Variants in SORCS3 observed in about 807,000 individuals in gnomAD.
SORCS3 encodes the protein VPS10 domain-containing receptor SorCS3.
SORCS3 carries 57 observed loss-of-function variants against 146.3 expected under a neutral mutation model. The ratio of observed to expected loss-of-function variants is 0.39; its 90% CI spans 0.31 to 0.49. The LOEUF (loss-of-function observed/expected upper bound fraction) is 0.49, where lower values mean the gene tolerates loss of function less well. Ranked by LOEUF, SORCS3 falls within the 20% of genes least tolerant of loss-of-function variation. The probability of loss-of-function intolerance (pLI) is 0.92; values close to 1 mark genes in which losing one functional copy is unlikely to be tolerated. For synonymous variants in SORCS3, 653 were observed against 618.5 expected (o/e 1.06, Z -0.83); for missense variants, 1,341 against 1,575.5 (o/e 0.85, Z 2.52).
At chr10:104,718,336 C>T (rs2016503598) in intron 1 of SORCS3, among the ~76,000 whole-genome samples, 1 of 152,016 alleles carries the variant, frequency 6.6e-6, no homozygotes, top group East Asian at 1.9e-4. Flanking sequence ...GCGAAACTTG[C>T]CTTTATAACA....
At chr10:105,045,822 G>C (rs1040764502) in intron 5 of SORCS3, among the ~76,000 whole-genome samples, 3 of 152,068 alleles carry the variant, frequency 2.0e-5, no homozygotes, top group African/African-American at 4.8e-5. Flanking sequence ...CTTCTCCATT[G>C]ATTTAAGTAC....
At chr10:104,816,228 T>A (rs75893277) in intron 1 of SORCS3, among the ~76,000 whole-genome samples, 2,172 of 152,324 alleles carry the variant, frequency 0.014, 32 homozygotes, top group African/African-American at 0.037. Context: ...TTCTTTATAA[T>A]ATCCTTAAAT....
At chr10:104,897,540 C>T (rs1032483273) in intron 2 of SORCS3, among the ~76,000 whole-genome samples, 5 of 152,120 alleles carry the variant, frequency 3.3e-5, no homozygotes, top group Admixed American at 6.5e-5. Context: ...TCTTTAAAAG[C>T]AGGATAATTT....
chr10:104,656,748 A>C (rs2015636150), intron 1 of SORCS3, among the ~76,000 whole-genome samples: 1 of 152,216 alleles, frequency 6.6e-6, no homozygotes, highest in African/African-American at 2.4e-5. Context: ...TGATAAAATT[A>C]AATGTACATT....
At chr10:104,650,384 AT>A (rs781628410) in intron 1 of SORCS3, among the ~76,000 whole-genome samples, 1 of 152,210 alleles carries the variant, frequency 6.6e-6, no homozygotes, top group Non-Finnish European at 1.5e-5. Context: ...CTGTAAGTGA[AT>A]TGTGTAGGGG....
intron 2 of SORCS3, among the ~76,000 whole-genome samples, chr10:104,906,202 A>G (rs1446313693): frequency 2.6e-5 from 4 of 152,194 alleles, no homozygotes; most frequent in African/African-American, 7.2e-5. Flanking sequence ...AGCACCTGCT[A>G]GTGTAGGCCT....
chr10:105,027,770 G>A (rs1229801371), intron 4 of SORCS3, among the ~76,000 whole-genome samples: 1 of 152,136 alleles, frequency 6.6e-6, no homozygotes, highest in Non-Finnish European at 1.5e-5. Context: ...TAATCTCCTT[G>A]TTTAAAATGG....
At chr10:104,713,596 T>C (rs946560637) in intron 1 of SORCS3, among the ~76,000 whole-genome samples, 9 of 152,228 alleles carry the variant, frequency 5.9e-5, no homozygotes, top group Non-Finnish European at 1.2e-4. Context: ...GCGGCTTACA[T>C]TGGTTGATTT....
intron 2 of SORCS3, among the ~76,000 whole-genome samples, chr10:104,890,845 T>C (rs1252774016): frequency 6.6e-6 from 1 of 152,228 alleles, no homozygotes; most frequent in Non-Finnish European, 1.5e-5. Context: ...TCTCCAGATA[T>C]TGACTAATGC....
At chr10:105,049,783 G>A (rs957087170) in intron 5 of SORCS3, among the ~76,000 whole-genome samples, 6 of 151,942 alleles carry the variant, frequency 3.9e-5, no homozygotes, top group African/African-American at 1.4e-4. Context: ...GGACATAAAG[G>A]TGGGAACAAT....
chr10:104,861,566 G>A (rs540243463), intron 2 of SORCS3, among the ~76,000 whole-genome samples: 6 of 152,150 alleles, frequency 3.9e-5, no homozygotes, highest in Admixed American at 6.5e-5. Flanking sequence ...ACTCATTCTC[G>A]TGTTTCCCCA....
intron 5 of SORCS3, among the ~76,000 whole-genome samples, chr10:105,086,634 G>T (rs1007665687): frequency 1.3e-5 from 2 of 152,160 alleles, no homozygotes; most frequent in Non-Finnish European, 2.9e-5. Context: ...TTTTAGTATA[G>T]CATAGTATTT....
chr10:104,847,155 C>T (rs544099539), intron 2 of SORCS3, among the ~76,000 whole-genome samples: 45 of 152,216 alleles, frequency 3.0e-4, no homozygotes, highest in African/African-American at 1.0e-3. Context: ...CGTGGATGCG[C>T]GTGTGTCTCT....
chr10:104,670,500 A>ATATGAAGGTTTATT (rs2015838175), intron 1 of SORCS3, among the ~76,000 whole-genome samples: 1 of 152,144 alleles, frequency 6.6e-6, no homozygotes. Flanking sequence ...TTGACCATTT[A>ATATGAAGGTTTATT]TATGAAGGTT....
At chr10:104,760,580 T>C (rs1012445146) in intron 1 of SORCS3, among the ~76,000 whole-genome samples, 1 of 152,226 alleles carries the variant, frequency 6.6e-6, no homozygotes, top group African/African-American at 2.4e-5. Context: ...TATAGTACTT[T>C]CTTTGCATAT....
chr10:105,190,796 A>C (rs771611287), intron 14 of SORCS3, among the ~76,000 whole-genome samples: 4 of 152,200 alleles, frequency 2.6e-5, no homozygotes, highest in Non-Finnish European at 4.4e-5. Flanking sequence ...ATAAAAGCAT[A>C]AGGCACACTG....
At chr10:104,725,574 G>A (rs1451084978) in intron 1 of SORCS3, among the ~76,000 whole-genome samples, 2 of 152,224 alleles carry the variant, frequency 1.3e-5, no homozygotes, top group Non-Finnish European at 2.9e-5. Context: ...GCCCCTAGAG[G>A]TGGAGTCTAT....
At chr10:104,775,374 G>A (rs549218277) in intron 1 of SORCS3, among the ~76,000 whole-genome samples, 140 of 152,320 alleles carry the variant, frequency 9.2e-4, no homozygotes, top group Non-Finnish European at 1.4e-3. Context: ...TACACTCCAT[G>A]CCAAGTCTTT....
chr10:104,651,556 A>ACTC, intron 1 of SORCS3, among the ~76,000 whole-genome samples: 1 of 139,676 alleles, frequency 7.2e-6, no homozygotes, highest in Non-Finnish European at 1.6e-5. Context: ...AAAAAAAAAC[A>ACTC]CAAAAATTAG....
Sources: gnomAD v4.1 joint callset for allele counts (sites outside exome capture counted in the v4.1 genomes callset) on GRCh38, gnomAD v4.1.1 for gene constraint, MANE v1.5 for transcripts, NCBI Gene and HGNC (gene_info 2026-07-23, HGNC 2026-07-21) for gene names.